DEK: variants seen among roughly 807,000 people sequenced by gnomAD.
DEK encodes DEK proto-oncogene.
A neutral mutation model predicts 46.8 loss-of-function variants in DEK; 28 were observed. The observed-to-expected ratio is 0.60, with a 90% CI of 0.44 to 0.82. The LOEUF is 0.82. DEK is among the 40% of genes least tolerant of loss of function. DEK has a pLI of 0.00. For missense variants in DEK, 416 were observed against 430.6 expected (o/e 0.97, Z 0.30); for synonymous variants, 160 against 144.5 (o/e 1.11, Z -0.77).
intron 4 of DEK, among the ~76,000 whole-genome samples, chr6:18,257,582 G>C (rs1021721136): frequency 6.6e-6 from 1 of 152,090 alleles, no homozygotes; most frequent in Non-Finnish European, 1.5e-5. Context: ...ACAGTATGGT[G>C]GCATGCACCT....
At chr6:18,240,458 G>T (rs372780216) in intron 7 of DEK, among the ~76,000 whole-genome samples, 19 of 152,276 alleles carry the variant, frequency 1.2e-4, no homozygotes, top group African/African-American at 4.6e-4. Flanking sequence ...CTGGGCCCTT[G>T]TCTCATTTAC....
At chr6:18,239,361 T>TTTA (rs1554159249) in intron 7 of DEK, among the ~76,000 whole-genome samples, 2 of 120,454 alleles carry the variant, frequency 1.7e-5, no homozygotes, top group Admixed American at 8.8e-5. Flanking sequence ...TTTTTTTTTT[T>TTTA]AAAAAAAAGA....
intron 9 of DEK, among the ~76,000 whole-genome samples, chr6:18,228,002 G>T (rs1433723862): frequency 6.6e-6 from 1 of 152,116 alleles, no homozygotes; most frequent in African/African-American, 2.4e-5. Flanking sequence ...CTAAATTTCT[G>T]CCTTTTGTCA....
intron 6 of DEK, 68 bp from the exon 7 acceptor site, chr6:18,249,907 C>G: frequency 1.3e-6 from 2 of 1,482,584 alleles, no homozygotes; most frequent in South Asian, 2.9e-5. Context: ...TTCTTGAAAA[C>G]TTATCAACTC....
intron 9 of DEK, among the ~76,000 whole-genome samples, chr6:18,232,962 C>T (rs549555780): frequency 6.6e-6 from 1 of 152,182 alleles, no homozygotes; most frequent in Non-Finnish European, 1.5e-5. Flanking sequence ...TATAAGGCTA[C>T]AGTAACCAAA....
At chr6:18,242,028 A>G (rs1043979378) in intron 7 of DEK, among the ~76,000 whole-genome samples, 5 of 152,252 alleles carry the variant, frequency 3.3e-5, no homozygotes, top group African/African-American at 9.6e-5. Flanking sequence ...CTATTGCTTA[A>G]AATCAAATTT....
intron 7 of DEK, among the ~76,000 whole-genome samples, chr6:18,243,449 T>A (rs1486695587): frequency 3.3e-5 from 5 of 152,194 alleles, no homozygotes; most frequent in Non-Finnish European, 5.9e-5. Flanking sequence ...CTTCATGGGT[T>A]CTCTATAGCA....
intron 9 of DEK, among the ~76,000 whole-genome samples, chr6:18,232,468 T>C (rs1345716780): frequency 2.0e-5 from 3 of 152,258 alleles, no homozygotes; most frequent in African/African-American, 7.2e-5. Context: ...GAAAACCCCA[T>C]CGTCTCAGCC....
chr6:18,250,056 C>G (rs1791300819), intron 6 of DEK, among the ~76,000 whole-genome samples: 1 of 152,164 alleles, frequency 6.6e-6, no homozygotes, highest in Non-Finnish European at 1.5e-5. Context: ...AGACCCTTCT[C>G]AATTGTAGAG....
Position 18,237,454 on chromosome 6 carries a change from T to A in DEK, c.825A>T (p.Lys275Asn). ...PKQKATSKSK[K>N]SVKSANVKKA... ...TCTTAACATTGGCACTTTTCACAGA[T>A]TTTTTACTTTTAGAAGTAGCTTTCT... Residue 275 changes from lysine (K) to asparagine (N), a missense_variant, in exon 8 of 11, where the codon AAA (lysine) becomes AAT (asparagine). By Grantham distance (94) the Lys-to-Asn change is moderately conservative. Coordinates refer to ENST00000652689, the MANE Select transcript of DEK (RefSeq NM_003472.4). The A allele has an allele frequency of 1.2e-6, 2 of 1,611,770 alleles. No homozygotes were observed. Among genetic ancestry groups the A allele is most frequent in the Non-Finnish European group, 1.7e-6 (2 of 1,179,552 alleles).
intron 2 of DEK, among the ~76,000 whole-genome samples, chr6:18,263,469 G>A (rs372988021): frequency 2.6e-5 from 4 of 151,510 alleles, no homozygotes; most frequent in Admixed American, 6.6e-5. Flanking sequence ...TAATGAAAAG[G>A]ACAAAATTAG....
intron 7 of DEK, among the ~76,000 whole-genome samples, chr6:18,238,087 T>C (rs1037243278): frequency 6.6e-6 from 1 of 151,968 alleles, no homozygotes; most frequent in Non-Finnish European, 1.5e-5. Context: ...CAGGCTGGTC[T>C]TGAACTCCTG....
intron 6 of DEK, among the ~76,000 whole-genome samples, chr6:18,254,070 C>T (rs1175744909): frequency 2.0e-5 from 3 of 152,162 alleles, no homozygotes; most frequent in African/African-American, 7.2e-5. Flanking sequence ...GTAGCTCACG[C>T]CTGTAATCCC....
intron 9 of DEK, among the ~76,000 whole-genome samples, chr6:18,229,114 C>T (rs1790278177): frequency 6.6e-6 from 1 of 152,234 alleles, no homozygotes; most frequent in Non-Finnish European, 1.5e-5. Context: ...TGCTGATACC[C>T]AGGCAAACAG....
chr6:18,263,396 A>T (rs943946958), intron 2 of DEK, among the ~76,000 whole-genome samples: 1 of 152,228 alleles, frequency 6.6e-6, no homozygotes, highest in Non-Finnish European at 1.5e-5. Context: ...GTCTAGCCTT[A>T]TAACTTCAGT....
intron 9 of DEK, among the ~76,000 whole-genome samples, chr6:18,229,342 A>G (rs1790293538): frequency 6.6e-6 from 1 of 152,254 alleles, no homozygotes; most frequent in African/African-American, 2.4e-5. Context: ...CTCCAAAGGA[A>G]CACAGCTCCT....
chr6:18,233,308 A>G (rs531841554), intron 9 of DEK, among the ~76,000 whole-genome samples: 12 of 152,310 alleles, frequency 7.9e-5, no homozygotes, highest in Non-Finnish European at 1.5e-4. Context: ...CTTCATGTCT[A>G]AAACACCAAA....
intron 9 of DEK, among the ~76,000 whole-genome samples, chr6:18,229,986 G>A (rs968117292): frequency 6.6e-6 from 1 of 152,164 alleles, no homozygotes; most frequent in Non-Finnish European, 1.5e-5. Flanking sequence ...GAGAAAGGTC[G>A]GGTTACCCAC....
At position 18,263,937 on chromosome 6, in the gene DEK, G is replaced by C. The variant is rs758325565; in HGVS notation, c.51C>G (p.Pro17=). ...GCATTTCGGGTTCTTTCTCGGACGC[G>C]GGCTGGGTGGGGGTTCCCTCCCCCT... ...AAEGEGTPTQ[P]ASEKEPEMPG... Residue 17 remains proline, a synonymous_variant, in exon 2 of 11, where the codon CCC becomes CCG. Coordinates refer to ENST00000652689, the MANE Select transcript of DEK (RefSeq NM_003472.4). 4.3e-5 allele frequency: 70 copies of C among 1,613,252 alleles called. No individual in the cohort carries two copies. In the South Asian group the frequency reaches 5.2e-4, roughly 12 times the overall value.
Sources: allele counts gnomAD v4.1 joint callset (sites outside exome capture counted in the v4.1 genomes callset), GRCh38; gene constraint gnomAD v4.1.1; transcripts MANE v1.5; gene names NCBI Gene and HGNC (gene_info 2026-07-23, HGNC 2026-07-21).